SOX5: variants seen among roughly 807,000 people sequenced by gnomAD.
The protein encoded by SOX5 is transcription factor SOX-5.
Under a neutral mutation model 92.0 loss-of-function variants are expected in SOX5, and 9 were observed. The observed-to-expected ratio is 0.10, with a 90% CI of 0.06 to 0.17. The LOEUF (loss-of-function observed/expected upper bound fraction) is 0.17, where lower values mean the gene tolerates loss of function less well. Ranked by LOEUF, SOX5 falls within the 10% of genes least tolerant of loss-of-function variation. The pLI is 1.00. For synonymous variants in SOX5, 344 were observed against 336.3 expected (o/e 1.02, Z -0.25); for missense variants, 642 against 944.5 (o/e 0.68, Z 4.20).
At chr12:23,643,280 G>A (rs76191007) in intron 7 of SOX5, among the ~76,000 whole-genome samples, 6,553 of 152,170 alleles carry the variant, frequency 0.043, 454 homozygotes, top group African/African-American at 0.15. Context: ...TTGACATGTG[G>A]TAGTATGTAC....
chr12:23,997,647 T>A (rs890303715), intron 4 of SOX5, among the ~76,000 whole-genome samples: 3 of 152,172 alleles, frequency 2.0e-5, no homozygotes, highest in African/African-American at 7.2e-5. Context: ...GGCGGATTCA[T>A]AAACTATCTG....
chr12:24,274,615 C>G (rs895808002), intron 3 of SOX5, among the ~76,000 whole-genome samples: 4 of 150,962 alleles, frequency 2.6e-5, no homozygotes, highest in African/African-American at 9.8e-5. Flanking sequence ...TTCCAAACAT[C>G]ATACATCATG....
At chr12:23,782,208 A>C (rs1348644419) in intron 3 of SOX5, among the ~76,000 whole-genome samples, 1 of 152,116 alleles carries the variant, frequency 6.6e-6, no homozygotes, top group Admixed American at 6.5e-5. Flanking sequence ...TTTCTTCATC[A>C]ATAGTTTATA....
chr12:24,281,923 C>CA (rs1469800953), intron 2 of SOX5, among the ~76,000 whole-genome samples: 1 of 151,978 alleles, frequency 6.6e-6, no homozygotes, highest in South Asian at 2.1e-4. Context: ...ACACACATCC[C>CA]AAAAAAGAGG....
rs868139407 is a variant in SOX5 at position 24,186,093 on chromosome 12, A to G, written c.-2+27250T>C. On this transcript the variant is annotated intron_variant, in intron 4 of 4. Coordinates refer to the SOX5 transcript ENST00000446891. Reference sequence around the variant, plus strand: ...GGAGAGTCAGTCAAGATAATCAGAAAGGAGAATTTAACCTTATCTTTAAGA... The same window carrying G: ...GGAGAGTCAGTCAAGATAATCAGAAGGGAGAATTTAACCTTATCTTTAAGA... 6.6e-5 allele frequency among the ~76,000 whole-genome samples: 10 copies of G among 152,246 alleles called. 1 individual carries two copies. The Middle Eastern group carries it at 0.017, about 259-fold the overall frequency.
chr12:24,269,410 C>T (rs550145341), intron 3 of SOX5, among the ~76,000 whole-genome samples: 2 of 152,262 alleles, frequency 1.3e-5, no homozygotes, highest in African/African-American at 4.8e-5. Flanking sequence ...TATAACTAAT[C>T]ATTATCCTCA....
chr12:23,906,874 G>T (rs950508221), intron 1 of SOX5, among the ~76,000 whole-genome samples: 1 of 151,760 alleles, frequency 6.6e-6, no homozygotes, highest in African/African-American at 2.4e-5. Flanking sequence ...GAAGCCTTTT[G>T]GATTTTTCTG....
intron 2 of SOX5, among the ~76,000 whole-genome samples, chr12:23,851,900 T>C (rs77733619): frequency 0.15 from 22,249 of 152,066 alleles, 2,007 homozygotes; most frequent in Non-Finnish European, 0.19. Flanking sequence ...GAATCTATCT[T>C]GGGATAGGGT....
intron 2 of SOX5, among the ~76,000 whole-genome samples, chr12:24,343,534 T>G (rs1952822155): frequency 6.6e-6 from 1 of 151,956 alleles, no homozygotes; most frequent in Non-Finnish European, 1.5e-5. Flanking sequence ...AATACATATA[T>G]GAAGCCATCT....
At chr12:24,155,484 C>T (rs541105738) in intron 4 of SOX5, among the ~76,000 whole-genome samples, 3 of 152,108 alleles carry the variant, frequency 2.0e-5, no homozygotes, top group Non-Finnish European at 4.4e-5. Context: ...ACTCAACCCA[C>T]AATGTTGCTC....
intron 1 of SOX5, among the ~76,000 whole-genome samples, chr12:24,537,628 A>C (rs1951754632): frequency 6.6e-6 from 1 of 152,232 alleles, no homozygotes; most frequent in Non-Finnish European, 1.5e-5. Flanking sequence ...TGGTTTGCTT[A>C]GGTTATCTAG....
At chr12:24,250,823 T>G (rs1318843348) in intron 3 of SOX5, among the ~76,000 whole-genome samples, 2 of 152,074 alleles carry the variant, frequency 1.3e-5, no homozygotes, top group Non-Finnish European at 2.9e-5. Context: ...CGCCCTACCT[T>G]CCCCATGGGC....
At chr12:23,988,601 A>G (rs1165545542) in intron 4 of SOX5, among the ~76,000 whole-genome samples, 8 of 152,222 alleles carry the variant, frequency 5.3e-5, no homozygotes, top group African/African-American at 1.7e-4. Context: ...GCACTAATTA[A>G]TATGATTGTA....
intron 1 of SOX5, among the ~76,000 whole-genome samples, chr12:24,545,809 G>T (rs1952570034): frequency 6.6e-6 from 1 of 152,154 alleles, no homozygotes; most frequent in Admixed American, 6.5e-5. Flanking sequence ...CCTCCACAGG[G>T]ATGGCCCACA....
intron 4 of SOX5, among the ~76,000 whole-genome samples, chr12:24,079,918 T>C (rs1426125028): frequency 3.3e-5 from 5 of 151,738 alleles, no homozygotes; most frequent in Non-Finnish European, 7.4e-5. Flanking sequence ...TACCTATGAG[T>C]TTTAAGATAG....
chr12:24,172,102 CGT>C (rs75951973), intron 4 of SOX5, among the ~76,000 whole-genome samples: 59,163 of 151,338 alleles, frequency 0.39, 12,161 homozygotes, highest in Non-Finnish European at 0.47. Flanking sequence ...TGCGTGCGCG[CGT>C]GTGTGTCTGT....
intron 3 of SOX5, among the ~76,000 whole-genome samples, chr12:24,261,293 G>A (rs1219922162): frequency 6.6e-6 from 1 of 152,120 alleles, no homozygotes; most frequent in Non-Finnish European, 1.5e-5. Context: ...GTAGCTGATG[G>A]ACTCATCCTG....
At chr12:23,909,219 G>A (rs765724756) in intron 1 of SOX5, among the ~76,000 whole-genome samples, 6 of 152,144 alleles carry the variant, frequency 3.9e-5, no homozygotes, top group South Asian at 2.1e-4. Context: ...TTAAAAGTAC[G>A]TCATAGAGAT....
chr12:23,979,179 G>T (rs1199034907), intron 4 of SOX5, among the ~76,000 whole-genome samples: 1 of 152,022 alleles, frequency 6.6e-6, no homozygotes, highest in African/African-American at 2.4e-5. Context: ...ACAACTAAAA[G>T]CTGATTCTAG....
Sources: gnomAD v4.1 joint callset for allele counts (sites outside exome capture counted in the v4.1 genomes callset) on GRCh38, gnomAD v4.1.1 for gene constraint, MANE v1.5 for transcripts, NCBI Gene and HGNC (gene_info 2026-07-23, HGNC 2026-07-21) for gene names.